NXPH2: variants seen among roughly 807,000 people sequenced by gnomAD.
The protein encoded by NXPH2 is neurexophilin-2.
Under a neutral mutation model 19.8 loss-of-function variants are expected in NXPH2, and 5 were observed. The ratio of observed to expected loss-of-function variants is 0.25; its 90% CI spans 0.13 to 0.53. The LOEUF (loss-of-function observed/expected upper bound fraction) is 0.53, where lower values mean the gene tolerates loss of function less well. Among genes scored for constraint, NXPH2 ranks in the 20% least tolerant of loss-of-function variants. NXPH2 has a pLI of 0.96. For synonymous variants in NXPH2, 154 were observed against 127.4 expected, an observed-to-expected ratio of 1.21 and a Z score of -1.41; for missense variants, 289 against 322.8, an observed-to-expected ratio of 0.90 and a Z score of 0.80.
chr2:138,700,760 T>C lies in NXPH2; in HGVS notation c.52-29095A>G, dbSNP rs57345061. ...TCCTCCCTCCTGCTTGTTTCTTGGA[T>C]GCCTGAGAGATTTCGCTTTACATTT... On this transcript the variant is annotated intron_variant, in intron 1 of 1. Coordinates refer to ENST00000272641, the MANE Select transcript of NXPH2 (RefSeq NM_007226.3). Among the ~76,000 whole-genome samples, 533 of 152,190 alleles carry C rather than the reference T, an allele frequency of 3.5e-3. 3 individuals carry two copies. The highest frequency in any genetic ancestry group is 8.7e-3 in the African/African-American group (361 of 41,544).
chr2:138,703,384 CAG>C (rs1165834762), intron 1 of NXPH2, among the ~76,000 whole-genome samples: 1 of 152,144 alleles, frequency 6.6e-6, no homozygotes, highest in Non-Finnish European at 1.5e-5. Context: ...GCACAGCTGA[CAG>C]ATGTTTGAAG....
intron 1 of NXPH2, among the ~76,000 whole-genome samples, chr2:138,755,523 A>T (rs1034169143): frequency 6.6e-6 from 1 of 151,994 alleles, no homozygotes; most frequent in Non-Finnish European, 1.5e-5. Flanking sequence ...TGCACCATTG[A>T]TCTATGTGTC....
chr2:138,700,696 C>T (rs1263022615), intron 1 of NXPH2, among the ~76,000 whole-genome samples: 3 of 152,142 alleles, frequency 2.0e-5, no homozygotes, highest in East Asian at 3.9e-4. Flanking sequence ...TCTATCAGAC[C>T]AGCACCTGCT....
intron 1 of NXPH2, among the ~76,000 whole-genome samples, chr2:138,698,987 G>T (rs563873673): frequency 6.6e-6 from 1 of 152,228 alleles, no homozygotes; most frequent in Admixed American, 6.5e-5. Flanking sequence ...AACAAATTTA[G>T]TTTTGTATAT....
chr2:138,697,068 C>T (rs919844373), intron 1 of NXPH2, among the ~76,000 whole-genome samples: 3 of 151,930 alleles, frequency 2.0e-5, no homozygotes, highest in African/African-American at 7.2e-5. Flanking sequence ...TCAAAAAGAT[C>T]TCAGAAAATA....
chr2:138,769,793 A>C (rs945176823), intron 1 of NXPH2, among the ~76,000 whole-genome samples: 23 of 152,262 alleles, frequency 1.5e-4, no homozygotes, highest in African/African-American at 5.1e-4. Context: ...ACCTCTTAGT[A>C]ACTTATCTAT....
chr2:138,691,552 T>G (rs1680747164), intron 1 of NXPH2, among the ~76,000 whole-genome samples: 1 of 152,200 alleles, frequency 6.6e-6, no homozygotes. Context: ...CTAATCTCCC[T>G]TTGCCTAATT....
chr2:138,718,894 G>A (rs569179331), intron 1 of NXPH2, among the ~76,000 whole-genome samples: 8 of 152,138 alleles, frequency 5.3e-5, no homozygotes, highest in African/African-American at 1.4e-4. Flanking sequence ...TACAGGAGAC[G>A]GGAGACACAG....
At chr2:138,689,952 AG>A (rs1246191326) in intron 1 of NXPH2, among the ~76,000 whole-genome samples, 2 of 152,176 alleles carry the variant, frequency 1.3e-5, no homozygotes, top group African/African-American at 4.8e-5. Context: ...AAGTAGCTTG[AG>A]GGGGTGGCAG....
intron 1 of NXPH2, among the ~76,000 whole-genome samples, chr2:138,722,002 ACAGT>A: frequency 6.6e-6 from 1 of 152,356 alleles, no homozygotes; most frequent in South Asian, 2.1e-4. Context: ...CAGGCTACAG[ACAGT>A]CAGACTGGGA....
At chr2:138,760,461 T>C (rs1193589274) in intron 1 of NXPH2, among the ~76,000 whole-genome samples, 2 of 152,154 alleles carry the variant, frequency 1.3e-5, no homozygotes, top group African/African-American at 4.8e-5. Context: ...AAACCATACC[T>C]CATCCATTGC....
chr2:138,714,874 A>G (rs902865416), intron 1 of NXPH2, among the ~76,000 whole-genome samples: 2 of 152,350 alleles, frequency 1.3e-5, no homozygotes, highest in South Asian at 2.1e-4. Flanking sequence ...ATATGTGTAT[A>G]TGTATTTTCC....
At chr2:138,749,527 AT>A (rs2104832723) in intron 1 of NXPH2, among the ~76,000 whole-genome samples, 1 of 152,266 alleles carries the variant, frequency 6.6e-6, no homozygotes, top group African/African-American at 2.4e-5. Flanking sequence ...TTCAGTGTAA[AT>A]TTTTATTTAA....
chr2:138,763,303 C>T (rs1682046426), intron 1 of NXPH2, among the ~76,000 whole-genome samples: 1 of 151,968 alleles, frequency 6.6e-6, no homozygotes, highest in East Asian at 1.9e-4. Context: ...TTATTGACTG[C>T]CTAAATTCTT....
intron 1 of NXPH2, among the ~76,000 whole-genome samples, chr2:138,721,923 A>G (rs1303455720): frequency 6.6e-6 from 1 of 152,232 alleles, no homozygotes; most frequent in Non-Finnish European, 1.5e-5. Flanking sequence ...TTGCAGACCT[A>G]CAATAGCAAT....
Position 138,721,920 on chromosome 2 carries a change from C to T in NXPH2, c.52-50255G>A, listed in dbSNP as rs527361829. Among the ~76,000 whole-genome samples, 24 of 152,284 alleles carry T rather than the reference C, an allele frequency of 1.6e-4. No homozygotes were observed. In the South Asian group the frequency reaches 2.5e-3, roughly 16 times the overall value. ...ATTCTGTCTTTATTGAATTTGCAGA[C>T]CTACAATAGCAATGGCGGGAGCATG... On this transcript the variant is annotated intron_variant, in intron 1 of 1. Coordinates refer to ENST00000272641, the MANE Select transcript of NXPH2 (RefSeq NM_007226.3).
chr2:138,728,507 G>A (rs1558923570), intron 1 of NXPH2, among the ~76,000 whole-genome samples: 1 of 152,110 alleles, frequency 6.6e-6, no homozygotes, highest in African/African-American at 2.4e-5. Flanking sequence ...AAATGATTTG[G>A]CATAGGACTT....
intron 1 of NXPH2, among the ~76,000 whole-genome samples, chr2:138,736,775 C>T (rs1003622637): frequency 1.3e-5 from 2 of 152,190 alleles, no homozygotes; most frequent in Admixed American, 1.3e-4. Context: ...AAACTGAATC[C>T]TTTAACAGCA....
chr2:138,739,257 G>C (rs1026840214), intron 1 of NXPH2, among the ~76,000 whole-genome samples: 1 of 152,104 alleles, frequency 6.6e-6, no homozygotes, highest in African/African-American at 2.4e-5. Context: ...ACACTAGGAG[G>C]CTCCAGGAAG....
Sources: allele counts gnomAD v4.1 joint callset (sites outside exome capture counted in the v4.1 genomes callset), GRCh38; gene constraint gnomAD v4.1.1; transcripts MANE v1.5; gene names NCBI Gene and HGNC (gene_info 2026-07-23, HGNC 2026-07-21).